The following IGSF21 variants were observed in gnomAD, a reference collection of about 807,000 sequenced individuals.
IGSF21 encodes the protein immunoglobin superfamily member 21.
IGSF21 carries 28 observed loss-of-function variants against 46.8 expected under a neutral mutation model. That is an observed-to-expected ratio of 0.60 (90% CI 0.44 to 0.82). IGSF21 has a LOEUF of 0.82. Ranked by LOEUF, IGSF21 falls within the 40% of genes least tolerant of loss-of-function variation. The pLI, the probability that IGSF21 is intolerant of heterozygous loss-of-function variation, is 0.00. For synonymous variants in IGSF21, 284 were observed against 273.6 expected, an observed-to-expected ratio of 1.04 and a Z score of -0.38; for missense variants, 624 against 665.5, an observed-to-expected ratio of 0.94 and a Z score of 0.69.
In IGSF21 at chr1:18,378,375, G is replaced by A; in HGVS notation, c.*49G>A. 1 of 1,447,226 alleles carries A rather than the reference G, an allele frequency of 6.9e-7. No homozygotes were observed. The highest frequency in any genetic ancestry group is 1.2e-5 in the South Asian group (1 of 85,958). The allele number at this position is 1,447,226 out of a possible 1,614,324, so 89.6% of individuals were successfully genotyped here. A position where few individuals can be genotyped will look rare whatever the true frequency, so the allele number is the denominator to read the frequency against. ...TCAGGCACTGACATCTCCACGACCG[G>A]TTTTCATTTCTTTTCTAAACTATTT... On this transcript the variant is annotated 3_prime_UTR_variant, in exon 10 of 10. Transcript: ENST00000251296.
intron 1 of IGSF21, among the ~76,000 whole-genome samples, chr1:18,191,050 G>C (rs1049007139): frequency 1.3e-5 from 2 of 152,162 alleles, no homozygotes; most frequent in African/African-American, 4.8e-5. Context: ...GGTAGAGTGT[G>C]GGGGGACCCT....
rs1036224551 is a variant in IGSF21, at chr1:18,322,506, G to A, written c.306-12386G>A. On this transcript the variant is annotated intron_variant, in intron 3 of 9. Coordinates refer to ENST00000251296, the MANE Select transcript of IGSF21 (RefSeq NM_032880.5). The surrounding 1 kb of genome is among the most constrained non-coding windows in gnomAD (Gnocchi z 4.3). The stretch of plus-strand genomic sequence containing the variant: ...ACGAACGATAGGAAGGAGGCGGCGA[G>A]CTCAGCCACGGGCCCAGCCTTCCAA... 3.3e-5 allele frequency among the ~76,000 whole-genome samples: 5 copies of A among 152,170 alleles called. No individual in the cohort carries two copies. Among genetic ancestry groups the A allele is most frequent in the Non-Finnish European group, 7.3e-5 (5 of 68,032 alleles).
intron 1 of IGSF21, among the ~76,000 whole-genome samples, chr1:18,126,593 C>A (rs35801438): frequency 0.13 from 19,650 of 152,024 alleles, 1,392 homozygotes; most frequent in African/African-American, 0.18. Flanking sequence ...TGCGGCAGTG[C>A]CCCCCTACTT....
intron 1 of IGSF21, among the ~76,000 whole-genome samples, chr1:18,147,343 C>G (rs576867179): frequency 6.6e-6 from 1 of 152,286 alleles, no homozygotes; most frequent in East Asian, 1.9e-4. Context: ...TCCCACCACT[C>G]TGGCCCGCTT....
chr1:18,342,578 C>T (rs1035072123), intron 4 of IGSF21, among the ~76,000 whole-genome samples: 1 of 152,186 alleles, frequency 6.6e-6, no homozygotes, highest in African/African-American at 2.4e-5. Flanking sequence ...CAGTTACACA[C>T]CACCCCACAT....
intron 1 of IGSF21, among the ~76,000 whole-genome samples, chr1:18,200,783 T>C (rs2087065109): frequency 6.6e-6 from 1 of 152,182 alleles, no homozygotes. Flanking sequence ...TCTTCCTAAC[T>C]TGAGTGGCCG....
rs528663010 is a variant in IGSF21, at chr1:18,266,109, T to C, written c.184-25757T>C. Among the ~76,000 whole-genome samples the C allele has an allele frequency of 6.6e-5, 10 of 152,308 alleles. No individual in the cohort carries two copies. In the South Asian group the frequency reaches 1.7e-3, roughly 25 times the overall value. On this transcript the variant is annotated intron_variant, in intron 2 of 9. Coordinates refer to ENST00000251296, the MANE Select transcript of IGSF21 (RefSeq NM_032880.5). The stretch of plus-strand genomic sequence containing the variant: ...AATAGCAATATTATTATGAATAATA[T>C]TGATTGATCACTTTCCATGTGTCAG...
chr1:18,238,332 C>T (rs2084692274), intron 2 of IGSF21, among the ~76,000 whole-genome samples: 1 of 152,144 alleles, frequency 6.6e-6, no homozygotes, highest in African/African-American at 2.4e-5. Flanking sequence ...GGCAGTCAAC[C>T]TTAGGCAGGA....
At chr1:18,357,316 G>C (rs774901788) in intron 4 of IGSF21, among the ~76,000 whole-genome samples, 1 of 150,432 alleles carries the variant, frequency 6.6e-6, no homozygotes, top group African/African-American at 2.5e-5. Context: ...GGTGGAAATG[G>C]GGATAAAGAT....
intron 2 of IGSF21, among the ~76,000 whole-genome samples, chr1:18,261,261 A>G (rs1322256422): frequency 6.6e-6 from 1 of 152,216 alleles, no homozygotes; most frequent in African/African-American, 2.4e-5. Context: ...CAGAAGTGTC[A>G]TGCAAGAAGG....
At chr1:18,196,372 G>A (rs1242900396) in intron 1 of IGSF21, among the ~76,000 whole-genome samples, 1 of 152,142 alleles carries the variant, frequency 6.6e-6, no homozygotes, top group Non-Finnish European at 1.5e-5. Context: ...TGACCTAATG[G>A]CAGGGAGGAG....
At chr1:18,264,971 G>A (rs558015346) in intron 2 of IGSF21, among the ~76,000 whole-genome samples, 4 of 152,202 alleles carry the variant, frequency 2.6e-5, no homozygotes, top group Non-Finnish European at 5.9e-5. Context: ...TATTACAGTG[G>A]TCGTGAGCAT....
At chr1:18,176,484 A>G (rs1489517784) in intron 1 of IGSF21, among the ~76,000 whole-genome samples, 1 of 152,214 alleles carries the variant, frequency 6.6e-6, no homozygotes, top group Non-Finnish European at 1.5e-5. Context: ...AAAAGGAGTC[A>G]GTCAAGCCCA....
intron 1 of IGSF21, among the ~76,000 whole-genome samples, chr1:18,185,783 T>C (rs777417151): frequency 6.6e-6 from 1 of 152,176 alleles, no homozygotes; most frequent in African/African-American, 2.4e-5. Flanking sequence ...GATGAATAAA[T>C]CAAAATGTTG....
At chr1:18,271,879 G>A (rs1037476637) in intron 2 of IGSF21, among the ~76,000 whole-genome samples, 6 of 152,206 alleles carry the variant, frequency 3.9e-5, no homozygotes, top group African/African-American at 2.4e-5. Context: ...AGAGGCTAGG[G>A]ATGGAGTGTG....
Position 18,365,382 on chromosome 1 carries a change from G to T in IGSF21, c.700G>T (p.Ala234Ser), listed in dbSNP as rs113684099. 21 of 1,613,832 alleles carry T rather than the reference G, an allele frequency of 1.3e-5. No individual in the cohort carries two copies. Among genetic ancestry groups the T allele is most frequent in the Non-Finnish European group, 1.7e-5 (20 of 1,180,010 alleles). ...GCAGAAGTCACTGTCCCTCCTGGAC[G>T]CCGAGAACCGGGGTGGGCGACCCTA... is the stretch of plus-strand genomic sequence containing the variant. Reference protein sequence around the residue: ...KMQKSLSLLDAENRGGRPYTE... With the variant: ...KMQKSLSLLDSENRGGRPYTE... The change falls in exon 6 of 10, where the codon GCC becomes TCC. Residue 234 changes from alanine (A) to serine (S), a missense_variant. Coordinates refer to ENST00000251296, the MANE Select transcript of IGSF21 (RefSeq NM_032880.5). The surrounding 1 kb of genome is among the most constrained non-coding windows in gnomAD (Gnocchi z 4.8).
intron 2 of IGSF21, among the ~76,000 whole-genome samples, chr1:18,286,175 C>A (rs6670195): frequency 0.83 from 126,737 of 152,208 alleles, 53,078 homozygotes; most frequent in East Asian, 0.97. Flanking sequence ...CTTTTGGACT[C>A]ATCCATGCTG....
intron 3 of IGSF21, among the ~76,000 whole-genome samples, chr1:18,294,888 C>T (rs746534035): frequency 2.0e-5 from 3 of 152,234 alleles, no homozygotes; most frequent in Non-Finnish European, 4.4e-5. Context: ...TCAGGGCTGG[C>T]GACGGGGCGC....
At chr1:18,284,709 C>T (rs529272698) in intron 2 of IGSF21, among the ~76,000 whole-genome samples, 1 of 152,320 alleles carries the variant, frequency 6.6e-6, no homozygotes, top group South Asian at 2.1e-4. Context: ...CTCATTGTCT[C>T]TTGCATTATC....
Sources: allele counts gnomAD v4.1 joint callset (sites outside exome capture counted in the v4.1 genomes callset), GRCh38; gene constraint gnomAD v4.1.1; non-coding constraint Gnocchi (gnomAD v3.1); transcripts MANE v1.5; gene names NCBI Gene and HGNC (gene_info 2026-07-23, HGNC 2026-07-21).